Variants in OARD1 observed in about 807,000 individuals in gnomAD.
OARD1 encodes ADP-ribose glycohydrolase OARD1.
OARD1 carries 19 observed loss-of-function variants against 19.7 expected under a neutral mutation model. The ratio of observed to expected loss-of-function variants is 0.96; its 90% CI spans 0.67 to 1.41. The LOEUF is 1.41. OARD1 is among the 40% of genes most tolerant of loss of function. The probability of loss-of-function intolerance (pLI) is 0.00; values close to 1 mark genes in which losing one functional copy is unlikely to be tolerated. For missense variants in OARD1, 190 were observed against 183.8 expected (o/e 1.03, Z -0.20); for synonymous variants, 70 against 61.8 (o/e 1.13, Z -0.62).
At chr6:41,097,596 C>G in intron 1 of OARD1, 1 of 593,662 alleles carries the variant, frequency 1.7e-6, no homozygotes, top group Non-Finnish European at 3.0e-6. Context: ...AAGTTGCAAG[C>G]CTTTGTCTTA....
chr6:41,068,758 G>A, intron 5 of OARD1, 83 bp downstream of exon 5: 1 of 801,930 alleles, frequency 1.2e-6, no homozygotes, highest in Non-Finnish European at 1.9e-6. Flanking sequence ...TTTGGGTTAA[G>A]CTTTTAAGTT....
intron 1 of OARD1, chr6:41,093,123 T>C (rs767545380): frequency 1.9e-6 from 3 of 1,547,118 alleles, no homozygotes; most frequent in South Asian, 1.2e-5. Flanking sequence ...GAAAGGAGAA[T>C]AGCAGGGTTC....
intron 1 of OARD1, among the ~76,000 whole-genome samples, chr6:41,093,991 A>G (rs115810060): frequency 1.7e-3 from 261 of 152,308 alleles, no homozygotes; most frequent in African/African-American, 6.1e-3. Flanking sequence ...CTGCAGTCCA[A>G]CAGCAAGGGT....
chr6:41,074,983 A>G (rs1397824166), upstream of OARD1, among the ~76,000 whole-genome samples: 1 of 151,478 alleles, frequency 6.6e-6, no homozygotes, highest in Non-Finnish European at 1.5e-5. Flanking sequence ...TTATACAACT[A>G]ATAGGTTTCA....
At chr6:41,074,002 G>T (rs960752853), upstream of OARD1, among the ~76,000 whole-genome samples, 2 of 151,522 alleles carry the variant, frequency 1.3e-5, no homozygotes, top group African/African-American at 2.4e-5. Context: ...ATACCCTTGC[G>T]CATTCTTTCC....
At chr6:41,091,721 T>C in intron 1 of OARD1, 1 of 1,601,648 alleles carries the variant, frequency 6.2e-7, no homozygotes, top group Middle Eastern at 1.7e-4. Flanking sequence ...TTCAGCTTTG[T>C]CTTTGAAATT....
intron 1 of OARD1, chr6:41,092,951 A>G (rs1172116545): frequency 6.2e-7 from 1 of 1,613,934 alleles, no homozygotes; most frequent in Admixed American, 1.7e-5. Flanking sequence ...TATCCAAAGA[A>G]TCCCTCTACC....
intron 1 of OARD1, chr6:41,091,462 C>T: frequency 6.6e-7 from 1 of 1,509,632 alleles, no homozygotes; most frequent in Non-Finnish European, 9.1e-7. Context: ...GAGGGACTAA[C>T]TATGTTCCCT....
chr6:41,094,680 G>T (rs1050335325), intron 1 of OARD1, among the ~76,000 whole-genome samples: 5 of 152,082 alleles, frequency 3.3e-5, no homozygotes, highest in African/African-American at 1.2e-4. Context: ...AGACTTGGTG[G>T]CTCATGCCTG....
chr6:41,073,435 A>G (rs556487634), upstream of OARD1, among the ~76,000 whole-genome samples: 84 of 151,868 alleles, frequency 5.5e-4, no homozygotes, highest in African/African-American at 1.8e-3. Context: ...ATGGCCCTAC[A>G]CTAGGGGACA....
chr6:41,096,393 T>C (rs901149573), intron 1 of OARD1, among the ~76,000 whole-genome samples: 4 of 152,232 alleles, frequency 2.6e-5, no homozygotes, highest in East Asian at 1.9e-4. Flanking sequence ...CCAGGAACTC[T>C]CCTCATTCTG....
intron 5 of OARD1, among the ~76,000 whole-genome samples, chr6:41,068,469 G>A (rs112437788): frequency 2.0e-5 from 3 of 152,350 alleles, no homozygotes; most frequent in African/African-American, 7.2e-5. Context: ...AGTGGTCCAA[G>A]AGGAAAACCA....
chr6:41,078,704 A>C (rs1267948954), intron 1 of OARD1, among the ~76,000 whole-genome samples: 3 of 152,236 alleles, frequency 2.0e-5, no homozygotes, highest in African/African-American at 7.2e-5. Context: ...GTATATGTGC[A>C]AACCTGAAAA....
intron 1 of OARD1, chr6:41,089,545 G>A: frequency 6.4e-7 from 1 of 1,569,300 alleles, no homozygotes; most frequent in Non-Finnish European, 8.6e-7. Flanking sequence ...AGTGTCAGTA[G>A]AGTACAATCC....
At chr6:41,078,684 A>G (rs1039929040) in intron 1 of OARD1, among the ~76,000 whole-genome samples, 1 of 152,216 alleles carries the variant, frequency 6.6e-6, no homozygotes, top group Non-Finnish European at 1.5e-5. Flanking sequence ...AAGAAGCTTT[A>G]TTCTCTAAAG....
intron 5 of OARD1, among the ~76,000 whole-genome samples, chr6:41,068,505 C>T (rs1042432423): frequency 2.0e-5 from 3 of 152,220 alleles, no homozygotes; most frequent in African/African-American, 4.8e-5. Context: ...GATTCTTTAG[C>T]TTACATTGCT....
intron 1 of OARD1, among the ~76,000 whole-genome samples, chr6:41,096,924 A>G (rs945403912): frequency 7.2e-5 from 11 of 152,224 alleles, no homozygotes; most frequent in African/African-American, 2.4e-4. Flanking sequence ...ATTAAAGTGT[A>G]TAGATTCTAA....
chr6:41,091,656 G>A, intron 1 of OARD1: 1 of 1,614,206 alleles, frequency 6.2e-7, no homozygotes, highest in Non-Finnish European at 8.5e-7. Flanking sequence ...GACACTACCA[G>A]TGGCAGGCAA....
chr6:41,074,666 G>T (rs1266432631), upstream of OARD1, among the ~76,000 whole-genome samples: 1 of 152,216 alleles, frequency 6.6e-6, no homozygotes, highest in Non-Finnish European at 1.5e-5. Context: ...ATAGTTTAGG[G>T]GGGAAAGCCC....
Sources: allele counts gnomAD v4.1 joint callset (sites outside exome capture counted in the v4.1 genomes callset), GRCh38; gene constraint gnomAD v4.1.1; transcripts MANE v1.5; gene names NCBI Gene and HGNC (gene_info 2026-07-23, HGNC 2026-07-21).